The following GNG4 variants were observed in gnomAD, a reference collection of about 807,000 sequenced individuals.
GNG4 encodes the protein guanine nucleotide-binding protein G(I)/G(S)/G(O) subunit gamma-4.
Under a neutral mutation model 5.8 loss-of-function variants are expected in GNG4, and 4 were observed. The observed-to-expected ratio is 0.69, with a 90% CI of 0.34 to 1.57. The LOEUF is 1.57. Ranked by LOEUF, GNG4 falls within the 40% of genes most tolerant of loss-of-function variation. The pLI is 0.06. For synonymous variants in GNG4, 29 were observed against 32.9 expected, an observed-to-expected ratio of 0.88 and a Z score of 0.41; for missense variants, 96 against 95.1, an observed-to-expected ratio of 1.01 and a Z score of -0.04.
chr1:235,622,909 G>T (rs1234257528), intron 1 of GNG4, among the ~76,000 whole-genome samples: 2 of 148,196 alleles, frequency 1.3e-5, no homozygotes, highest in African/African-American at 5.0e-5. Flanking sequence ...GCGTGATGGT[G>T]CATGCTTGTA....
chr1:235,607,993 G>A (rs191601484), intron 1 of GNG4, among the ~76,000 whole-genome samples: 8 of 149,772 alleles, frequency 5.3e-5, no homozygotes, highest in East Asian at 2.0e-4. Flanking sequence ...GCTGGAGTGC[G>A]GTGGCGTGAT....
At chr1:235,572,331 C>T (rs1275613051) in intron 3 of GNG4, among the ~76,000 whole-genome samples, 1 of 152,078 alleles carries the variant, frequency 6.6e-6, no homozygotes, top group Non-Finnish European at 1.5e-5. Context: ...TCCCAAGTAG[C>T]TGGAATTACA....
At chr1:235,616,282 G>C (rs549872454) in intron 1 of GNG4, 23 of 462,704 alleles carry the variant, frequency 5.0e-5, no homozygotes, top group African/African-American at 4.0e-4. Flanking sequence ...TCTGCCAAGA[G>C]GATGGGAGGA....
chr1:235,587,319 GTGTGTGAGAGTGTGAGAGCATGTA>G (rs1687795536), intron 2 of GNG4, among the ~76,000 whole-genome samples: 2 of 65,976 alleles, frequency 3.0e-5, no homozygotes, highest in African/African-American at 1.3e-4. Flanking sequence ...AGGGGTGTGT[GTGTGTGAGAGTGTGAGAGCATGTA>G]TGAGGGTCAG....
intron 2 of GNG4, among the ~76,000 whole-genome samples, chr1:235,590,171 G>A (rs1285534533): frequency 2.6e-5 from 4 of 152,210 alleles, no homozygotes; most frequent in African/African-American, 9.6e-5. Flanking sequence ...AGAAGGTGGA[G>A]AGGCTGGGTG....
At chr1:235,615,725 G>T in intron 1 of GNG4, 1 of 243,972 alleles carries the variant, frequency 4.1e-6, no homozygotes. Context: ...CCTCTGAGAG[G>T]CTTCCTTCCA....
At chr1:235,635,921 G>A (rs897280276) in intron 1 of GNG4, among the ~76,000 whole-genome samples, 1 of 152,226 alleles carries the variant, frequency 6.6e-6, no homozygotes, top group African/African-American at 2.4e-5. Flanking sequence ...CCCTTGCAGT[G>A]GCTCTGAAGG....
intron 1 of GNG4, among the ~76,000 whole-genome samples, chr1:235,625,036 A>C (rs1406598668): frequency 6.6e-6 from 1 of 152,150 alleles, no homozygotes; most frequent in Non-Finnish European, 1.5e-5. Context: ...GCAGCTGCCA[A>C]GCTGATGAGG....
At chr1:235,628,055 C>T (rs1243603912) in intron 1 of GNG4, among the ~76,000 whole-genome samples, 1 of 152,124 alleles carries the variant, frequency 6.6e-6, no homozygotes, top group African/African-American at 2.4e-5. Context: ...TGGCACACAC[C>T]TGTAATCCCA....
chr1:235,557,763 G>A (rs889883818), intron 3 of GNG4, among the ~76,000 whole-genome samples: 2 of 152,166 alleles, frequency 1.3e-5, no homozygotes, highest in Admixed American at 6.5e-5. Flanking sequence ...TTAAAGGAGT[G>A]GGCTCAAAAA....
chr1:235,593,201 G>A (rs895445688), intron 2 of GNG4, among the ~76,000 whole-genome samples: 1 of 152,062 alleles, frequency 6.6e-6, no homozygotes, highest in African/African-American at 2.4e-5. Flanking sequence ...CACCCGTCTT[G>A]GCCTCCCAAA....
chr1:235,573,474 T>TA (rs36030081), intron 3 of GNG4, among the ~76,000 whole-genome samples: 4,018 of 141,394 alleles, frequency 0.028, 67 homozygotes, highest in South Asian at 0.052. Context: ...TAAAGTATGA[T>TA]AAAAAAAAAA....
In GNG4 at chr1:235,596,172, T is replaced by C. The variant is rs376264539; in HGVS notation, c.-122-661A>G. Among the ~76,000 whole-genome samples the C allele has an allele frequency of 1.4e-3, 209 of 145,136 alleles. 2 individuals are homozygous for C. Among genetic ancestry groups the C allele is most frequent in the African/African-American group, 5.1e-3 (195 of 38,340 alleles). On this transcript the variant is annotated intron_variant, in intron 1 of 3. Transcript: ENST00000391854. ...CTGGGTGACAGAGCGAGACTCTGTC[T>C]CAAAAACAAAAACAAAACAAAAACA...
chr1:235,574,186 C>T (rs1256500098), intron 3 of GNG4, among the ~76,000 whole-genome samples: 1 of 152,122 alleles, frequency 6.6e-6, no homozygotes, highest in African/African-American at 2.4e-5. Context: ...GCCTGGACAA[C>T]ATGGTGAAAC....
intron 1 of GNG4, among the ~76,000 whole-genome samples, chr1:235,619,920 G>A (rs1006646395): frequency 7.9e-5 from 12 of 152,290 alleles, no homozygotes; most frequent in Non-Finnish European, 1.2e-4. Context: ...GAGTTAGCAG[G>A]TTTCTTGTTT....
chr1:235,644,095 A>G lies in GNG4; in HGVS notation c.-123+5567T>C, dbSNP rs1186309732. Among the ~76,000 whole-genome samples, 1 of 152,052 alleles carries G rather than the reference A, an allele frequency of 6.6e-6. No homozygotes were observed. The highest frequency in any genetic ancestry group is 2.4e-5 in the African/African-American group (1 of 41,400). The stretch of plus-strand genomic sequence containing the variant: ...GAGGGGAATGGCAGTGAAACGCCAA[A>G]CTCCTACTGAAAGGTTGATGGGTAC... On this transcript the variant is annotated intron_variant, in intron 1 of 3. Coordinates refer to ENST00000391854, the MANE Select transcript of GNG4 (RefSeq NM_001098722.2). This position sits in a 1 kb window ranked among gnomAD's most constrained non-coding sequence, Gnocchi z 5.9.
At position 235,644,161 on chromosome 1, in the gene GNG4, C is replaced by G. The variant is rs1415556766; in HGVS notation, c.-123+5501G>C. Among the ~76,000 whole-genome samples, 2 of 152,196 alleles carry G rather than the reference C, an allele frequency of 1.3e-5. No homozygotes were observed. Among genetic ancestry groups the G allele is most frequent in the African/African-American group, 4.8e-5 (2 of 41,448 alleles). ...GGGCTGGGTGGCGGGAACGCGGGCA[C>G]CCAGAGGTCCAGATCAGCAAAAGAG... On this transcript the variant is annotated intron_variant, in intron 1 of 3. Coordinates refer to ENST00000391854, the MANE Select transcript of GNG4 (RefSeq NM_001098722.2). This position sits in a 1 kb window ranked among gnomAD's most constrained non-coding sequence, Gnocchi z 5.9.
intron 2 of GNG4, among the ~76,000 whole-genome samples, chr1:235,593,216 T>C (rs968202589): frequency 2.6e-4 from 39 of 152,258 alleles, no homozygotes; most frequent in African/African-American, 9.2e-4. Flanking sequence ...CCCAAATTGC[T>C]GGAATTCAGG....
intron 3 of GNG4, among the ~76,000 whole-genome samples, chr1:235,562,647 G>GAAAAAAAAAAAAGAAA (rs1286012762): frequency 4.6e-5 from 1 of 21,688 alleles, no homozygotes; most frequent in Non-Finnish European, 1.1e-4. Flanking sequence ...TCTGTCTCAA[G>GAAAAAAAAAAAAGAAA]AAAAAAAAAA....
Sources: allele counts gnomAD v4.1 joint callset (sites outside exome capture counted in the v4.1 genomes callset), GRCh38; gene constraint gnomAD v4.1.1; non-coding constraint Gnocchi (gnomAD v3.1); transcripts MANE v1.5; gene names NCBI Gene and HGNC (gene_info 2026-07-23, HGNC 2026-07-21).